TENM3: variants seen among roughly 807,000 people sequenced by gnomAD.
TENM3 encodes the protein teneurin-3.
A neutral mutation model predicts 255.1 loss-of-function variants in TENM3; 63 were observed. The observed-to-expected ratio is 0.25, with a 90% CI of 0.20 to 0.30. The LOEUF (loss-of-function observed/expected upper bound fraction) is 0.30, where lower values mean the gene tolerates loss of function less well. TENM3 is among the 10% of genes least tolerant of loss of function. The probability of loss-of-function intolerance (pLI) is 1.00; values close to 1 mark genes in which losing one functional copy is unlikely to be tolerated. For synonymous variants in TENM3, 1,306 were observed against 1,322.3 expected (o/e 0.99, Z 0.27); for missense variants, 2,929 against 3,461.1 (o/e 0.85, Z 3.86).
At chr4:181,879,506 T>C in the TENM3 span, among the ~76,000 whole-genome samples, 1 of 152,192 alleles carries the variant, frequency 6.6e-6, no homozygotes, top group African/African-American at 2.4e-5. Flanking sequence ...GGAAAATTGC[T>C]ACCAACTTAG....
At chr4:181,816,013 T>C in the TENM3 span, among the ~76,000 whole-genome samples, 2 of 152,236 alleles carry the variant, frequency 1.3e-5, no homozygotes, top group Admixed American at 1.3e-4. Context: ...TGTTCATTCA[T>C]ATCTTTCCAT....
In TENM3 at chr4:182,680,444, G is replaced by C. The variant is rs1318155161; in HGVS notation, c.1639+95G>C. The C allele has an allele frequency of 5.7e-6, 8 of 1,413,722 alleles. No individual in the cohort carries two copies. In the African/African-American group the frequency reaches 1.1e-4, roughly 20 times the overall value. The allele number at this position is 1,413,722 out of a possible 1,614,324, so 87.6% of individuals were successfully genotyped here. A position where few individuals can be genotyped will look rare whatever the true frequency, so the allele number is the denominator to read the frequency against. ...TACCGAGACAGGAAAGAAAGGGGGG[G>C]GGAGACTGGCATATTGCTTGTTCCA... On this transcript the variant is annotated intron_variant, in intron 9 of 27. Transcript: ENST00000511685.
chr4:182,165,590 C>A (rs1005473600), intron 1 of TENM3, among the ~76,000 whole-genome samples: 9 of 152,172 alleles, frequency 5.9e-5, no homozygotes, highest in African/African-American at 2.2e-4. Flanking sequence ...TATCTCCTTG[C>A]ACTACTTAGA....
At chr4:181,650,071 A>T in the TENM3 span, among the ~76,000 whole-genome samples, 15 of 152,330 alleles carry the variant, frequency 9.8e-5, no homozygotes, top group Admixed American at 2.6e-4. Flanking sequence ...GCTTCTGATT[A>T]TAAGAATCTG....
chr4:182,315,016 G>A (rs191137886), intron 1 of TENM3, among the ~76,000 whole-genome samples: 35 of 152,176 alleles, frequency 2.3e-4, no homozygotes, highest in Non-Finnish European at 2.5e-4. Flanking sequence ...CTGCCTTGAC[G>A]TGATATTAGG....
chr4:182,664,146 T>A (rs1162966838), intron 6 of TENM3, among the ~76,000 whole-genome samples: 2 of 152,230 alleles, frequency 1.3e-5, no homozygotes, highest in African/African-American at 4.8e-5. Flanking sequence ...ACAAACTGAA[T>A]GTTTGTGGCA....
At chr4:182,723,439 G>A (rs1233026604) in intron 13 of TENM3, among the ~76,000 whole-genome samples, 1 of 152,184 alleles carries the variant, frequency 6.6e-6, no homozygotes, top group East Asian at 1.9e-4. Context: ...ACCAAATACT[G>A]TGGGGAAGGA....
chr4:182,508,549 A>G (rs1737063410), intron 3 of TENM3, among the ~76,000 whole-genome samples: 2 of 152,302 alleles, frequency 1.3e-5, no homozygotes, highest in Non-Finnish European at 2.9e-5. Flanking sequence ...AGAATGATAT[A>G]CTCTTAGATA....
intron 5 of TENM3, among the ~76,000 whole-genome samples, chr4:182,634,273 GC>G (rs1751652684): frequency 6.6e-6 from 1 of 152,112 alleles, no homozygotes; most frequent in African/African-American, 2.4e-5. Context: ...GCGACATGGG[GC>G]TAGGAACTAT....
At position 182,793,660 on chromosome 4, in the gene TENM3, A is replaced by G. The variant is rs373445233; in HGVS notation, c.6988A>G (p.Ile2330Val). The change falls in exon 26 of 28, where the codon ATT becomes GTT. Residue 2330 changes from isoleucine (I) to valine (V), a missense_variant. This residue lies in a region of TENM3 where 256 missense variants were observed against 389.3 expected (regional missense o/e 0.66). Coordinates refer to ENST00000511685, the MANE Select transcript of TENM3 (RefSeq NM_001080477.4). The surrounding 1 kb of genome is among the most constrained non-coding windows in gnomAD (Gnocchi z 5.7). ...AYGEIYFDSN[I>V]DFQLVIGFHG... ...TGGGGAAATCTATTTTGACTCTAAT[A>G]TTGACTTTCAACTGGTAATTGGATT... is the stretch of plus-strand genomic sequence containing the variant. The G allele has an allele frequency of 5.6e-6, 9 of 1,613,896 alleles. No individual in the cohort carries two copies. The highest frequency in any genetic ancestry group is 1.7e-5 in the Admixed American group (1 of 60,008).
chr4:182,014,524 T>C, the TENM3 span, among the ~76,000 whole-genome samples: 1 of 152,136 alleles, frequency 6.6e-6, no homozygotes, highest in African/African-American at 2.4e-5. Flanking sequence ...TCAGATTTTA[T>C]GAGGAAAAGA....
At chr4:181,956,837 T>A in the TENM3 span, among the ~76,000 whole-genome samples, 1 of 152,218 alleles carries the variant, frequency 6.6e-6, no homozygotes, top group Admixed American at 6.5e-5. Flanking sequence ...GGACTACATA[T>A]GATTTAGATT....
At chr4:181,888,532 A>ATG in the TENM3 span, among the ~76,000 whole-genome samples, 30 of 78,738 alleles carry the variant, frequency 3.8e-4, 1 homozygote, top group African/African-American at 1.4e-3. Context: ...ATATACATAT[A>ATG]TGTGTATATA....
chr4:182,528,161 A>G (rs1350853159), intron 3 of TENM3, among the ~76,000 whole-genome samples: 1 of 152,290 alleles, frequency 6.6e-6, no homozygotes, highest in Middle Eastern at 3.4e-3. Context: ...TCTGTCGCCA[A>G]GGCTGGAGTG....
the TENM3 span, among the ~76,000 whole-genome samples, chr4:182,064,452 C>T: frequency 1.1e-4 from 16 of 152,010 alleles, no homozygotes; most frequent in Non-Finnish European, 1.5e-4. Flanking sequence ...GTGGCGGGCG[C>T]CTGTAGTCCC....
chr4:181,503,330 C>CT, the TENM3 span, among the ~76,000 whole-genome samples: 1 of 152,210 alleles, frequency 6.6e-6, no homozygotes, highest in Non-Finnish European at 1.5e-5. Context: ...TGCACCACTG[C>CT]ACTCCAGCCT....
intron 3 of TENM3, among the ~76,000 whole-genome samples, chr4:182,377,271 T>G (rs1767235914): frequency 6.6e-6 from 1 of 152,182 alleles, no homozygotes; most frequent in Non-Finnish European, 1.5e-5. Context: ...AAATTTTGAT[T>G]CTGCGTATAG....
the TENM3 span, among the ~76,000 whole-genome samples, chr4:181,911,662 G>A: frequency 3.3e-5 from 5 of 152,088 alleles, no homozygotes; most frequent in Non-Finnish European, 7.4e-5. Flanking sequence ...AAGTTTTTGT[G>A]ATGTTTAGAG....
At chr4:182,260,685 A>G (rs968744691) in intron 1 of TENM3, among the ~76,000 whole-genome samples, 7 of 152,180 alleles carry the variant, frequency 4.6e-5, no homozygotes, top group Non-Finnish European at 7.3e-5. Flanking sequence ...TACTTTCTGT[A>G]TAAGTGTAGC....
Sources: gnomAD v4.1 joint callset for allele counts (sites outside exome capture counted in the v4.1 genomes callset) on GRCh38, gnomAD v4.1.1 for gene constraint, gnomAD v4.1.1 regional missense constraint, Gnocchi (gnomAD v3.1) non-coding constraint, MANE v1.5 for transcripts, NCBI Gene and HGNC (gene_info 2026-07-23, HGNC 2026-07-21) for gene names.